The following DLG1 variants were observed in gnomAD, a reference collection of about 807,000 sequenced individuals.
DLG1 encodes disks large homolog 1.
DLG1 carries 42 observed loss-of-function variants against 123.4 expected under a neutral mutation model. The observed-to-expected ratio is 0.34, with a 90% CI of 0.27 to 0.44. The LOEUF is 0.44. DLG1 is among the 20% of genes least tolerant of loss of function. The probability of loss-of-function intolerance (pLI) is 1.00; values close to 1 mark genes in which losing one functional copy is unlikely to be tolerated. For missense variants in DLG1, 942 were observed against 1,082.6 expected (o/e 0.87, Z 1.82); for synonymous variants, 317 against 356.2 (o/e 0.89, Z 1.24).
At chr3:197,165,357 T>G (rs1270202554) in intron 5 of DLG1, among the ~76,000 whole-genome samples, 3 of 152,218 alleles carry the variant, frequency 2.0e-5, no homozygotes, top group Non-Finnish European at 4.4e-5. Flanking sequence ...AAGAGATTTT[T>G]AAAGCATTGG....
In DLG1 at chr3:197,179,574, T is replaced by A. The variant is rs113650476; in HGVS notation, c.483+14851A>T. ...ATTCCTAATAATCTATATCTGAATTTGTTCATATACTATTAGAGTTAAATG... is the reference window on the plus strand; with the variant it reads ...ATTCCTAATAATCTATATCTGAATTAGTTCATATACTATTAGAGTTAAATG... On this transcript the variant is annotated intron_variant, in intron 5 of 24. Coordinates refer to ENST00000667157, the MANE Select transcript of DLG1 (RefSeq NM_001366207.1). Among the ~76,000 whole-genome samples, 1,239 of 152,310 alleles carry A rather than the reference T, an allele frequency of 8.1e-3. 13 individuals are homozygous for A. The highest frequency in any genetic ancestry group is 0.027 in the African/African-American group (1,130 of 41,584).
intron 5 of DLG1, among the ~76,000 whole-genome samples, chr3:197,156,248 G>A (rs1796362710): frequency 6.6e-6 from 1 of 152,056 alleles, no homozygotes; most frequent in African/African-American, 2.4e-5. Flanking sequence ...GAGATTAGAA[G>A]TGTCTAGGAT....
intron 5 of DLG1, among the ~76,000 whole-genome samples, chr3:197,172,992 A>G (rs1805040734): frequency 6.6e-6 from 1 of 152,140 alleles, no homozygotes; most frequent in Non-Finnish European, 1.5e-5. Flanking sequence ...CACTAATTTC[A>G]GCTTGGGTCC....
chr3:197,132,559 CT>C (rs1281958362), intron 10 of DLG1, among the ~76,000 whole-genome samples: 1 of 152,176 alleles, frequency 6.6e-6, no homozygotes, highest in Non-Finnish European at 1.5e-5. Flanking sequence ...CAAGGACTGC[CT>C]GCATTTTGAA....
chr3:197,212,067 C>T (rs1305033619), intron 4 of DLG1, among the ~76,000 whole-genome samples: 1 of 146,312 alleles, frequency 6.8e-6, no homozygotes, highest in East Asian at 2.0e-4. Context: ...AAGAGAACAA[C>T]AGACACTGGG....
At chr3:197,183,431 A>T (rs1713707836) in intron 5 of DLG1, 3 of 760,006 alleles carry the variant, frequency 3.9e-6, no homozygotes, top group Admixed American at 2.9e-5. Flanking sequence ...CTAAAGACCT[A>T]CACGGATGGA....
intron 23 of DLG1, among the ~76,000 whole-genome samples, chr3:197,053,417 A>G (rs992484391): frequency 6.8e-6 from 1 of 147,336 alleles, no homozygotes; most frequent in Non-Finnish European, 1.5e-5. Flanking sequence ...TGACAGTTAA[A>G]TTTTTTTTTT....
intron 3 of DLG1, among the ~76,000 whole-genome samples, chr3:197,291,228 C>G (rs1774699141): frequency 6.6e-6 from 1 of 151,030 alleles, no homozygotes; most frequent in South Asian, 2.1e-4. Flanking sequence ...CTAAAATTCT[C>G]CATTTCAGGA....
At chr3:197,286,207 T>C (rs1771759272) in intron 3 of DLG1, among the ~76,000 whole-genome samples, 1 of 152,046 alleles carries the variant, frequency 6.6e-6, no homozygotes, top group African/African-American at 2.4e-5. Flanking sequence ...TTTCAGGAGT[T>C]TGTGTGGGGG....
intron 4 of DLG1, among the ~76,000 whole-genome samples, chr3:197,281,722 CA>C (rs1184567087): frequency 6.6e-6 from 1 of 152,140 alleles, no homozygotes; most frequent in Non-Finnish European, 1.5e-5. Context: ...TCCTGAAATT[CA>C]AAGGTATAAT....
Position 197,278,397 on chromosome 3 carries a change from A to G in DLG1, c.318+4282T>C, listed in dbSNP as rs190800778. ...AGGCAGGATGATCCCTGGAGCCCCC[A>G]AGTTTTGAGGATACAGTGAGCTATG... On this transcript the variant is annotated intron_variant, in intron 4 of 24. Transcript: ENST00000667157. Among the ~76,000 whole-genome samples, 138 of 151,218 alleles carry G rather than the reference A, an allele frequency of 9.1e-4. 1 individual carries two copies. The highest frequency in any genetic ancestry group is 3.0e-3 in the African/African-American group (124 of 41,216).
chr3:197,282,874 G>C (rs774241923), intron 3 of DLG1, 29 bp from the exon 4 acceptor site: 39 of 1,353,758 alleles, frequency 2.9e-5, no homozygotes, highest in Admixed American at 2.8e-4. Context: ...AAATTCATAA[G>C]TATTTATATT....
chr3:197,134,076 T>C (rs1448184556), intron 10 of DLG1, among the ~76,000 whole-genome samples: 2 of 152,132 alleles, frequency 1.3e-5, no homozygotes, highest in Non-Finnish European at 2.9e-5. Context: ...CTGAGAAAAC[T>C]AGTGCAACAG....
intron 4 of DLG1, among the ~76,000 whole-genome samples, chr3:197,210,245 TAAAA>T (rs200692787): frequency 3.8e-5 from 4 of 105,792 alleles, no homozygotes; most frequent in Non-Finnish European, 4.2e-5. Flanking sequence ...TGAGAAGCTA[TAAAA>T]AAAAAAAAAG....
Position 197,071,243 on chromosome 3 carries a change from T to C in DLG1, c.2006-1983A>G, listed in dbSNP as rs111863320. Among the ~76,000 whole-genome samples, 205 of 152,190 alleles carry C rather than the reference T, an allele frequency of 1.3e-3. 2 individuals are homozygous for C. The highest frequency in any genetic ancestry group is 4.7e-3 in the African/African-American group (197 of 41,506). On this transcript the variant is annotated intron_variant, in intron 18 of 24. Coordinates refer to ENST00000667157, the MANE Select transcript of DLG1 (RefSeq NM_001366207.1). ...TGGGGTGAAGGGAGGGGAGTGTAAG[T>C]GGGAGTACAGAAGAAACAGAATTGG... is the stretch of plus-strand genomic sequence containing the variant.
rs537141608 is a variant in DLG1, at chr3:197,069,351, T to C, written c.2006-91A>G. On this transcript the variant is annotated intron_variant, in intron 18 of 24. Coordinates refer to ENST00000667157, the MANE Select transcript of DLG1 (RefSeq NM_001366207.1). ...ATGAAATGTTGAGATATAAGCCATA[T>C]ATAACAAAATAATTTTTTAAAAGCA... 6.3e-5 allele frequency: 47 copies of C among 741,044 alleles called. No homozygotes were observed. The East Asian group carries it at 1.3e-3, about 21-fold the overall frequency. 45.9% of individuals were successfully genotyped at this position (741,044 alleles called of 1,614,324 possible).
intron 9 of DLG1, among the ~76,000 whole-genome samples, chr3:197,137,919 C>T (rs931024198): frequency 6.6e-6 from 1 of 151,732 alleles, no homozygotes; most frequent in Non-Finnish European, 1.5e-5. Flanking sequence ...CTGCAGTAAG[C>T]CATGACTGCA....
rs542361361 is a variant in DLG1, at chr3:197,240,155, TG to T, written c.318+42523del. 2.9e-4 allele frequency among the ~76,000 whole-genome samples: 44 copies of T among 152,332 alleles called. 2 individuals carry two copies. The South Asian group carries it at 8.5e-3, about 29-fold the overall frequency. On this transcript the variant is annotated intron_variant, in intron 4 of 24. Transcript: ENST00000667157. The stretch of plus-strand genomic sequence containing the variant: ...CCATCTCCAGCTCTGGAAATTCTAC[TG>T]TAACTCAGCCAAGCAAGACACTGAA...
At chr3:197,085,975 T>C (rs1185458195) in intron 15 of DLG1, among the ~76,000 whole-genome samples, 1 of 151,684 alleles carries the variant, frequency 6.6e-6, no homozygotes, top group African/African-American at 2.4e-5. Context: ...TTTCTTTCAA[T>C]ATCACAAGAC....
Sources: gnomAD v4.1 joint callset for allele counts (sites outside exome capture counted in the v4.1 genomes callset) on GRCh38, gnomAD v4.1.1 for gene constraint, MANE v1.5 for transcripts, NCBI Gene and HGNC (gene_info 2026-07-23, HGNC 2026-07-21) for gene names.